The following ERBB4 variants were observed in gnomAD, a reference collection of about 807,000 sequenced individuals.
ERBB4 encodes the protein receptor tyrosine-protein kinase erbB-4.
A neutral mutation model predicts 158.0 loss-of-function variants in ERBB4; 42 were observed. That is an observed-to-expected ratio of 0.27 (90% CI 0.21 to 0.34). The LOEUF is 0.34. ERBB4 is among the 10% of genes least tolerant of loss of function. The probability of loss-of-function intolerance (pLI) is 1.00; values close to 1 mark genes in which losing one functional copy is unlikely to be tolerated. For synonymous variants in ERBB4, 583 were observed against 558.7 expected, an observed-to-expected ratio of 1.04 and a Z score of -0.61; for missense variants, 1,333 against 1,624.1, an observed-to-expected ratio of 0.82 and a Z score of 3.08.
intron 25 of ERBB4, among the ~76,000 whole-genome samples, chr2:211,402,527 A>G (rs1200972192): frequency 6.6e-6 from 1 of 152,030 alleles, no homozygotes; most frequent in East Asian, 1.9e-4. Flanking sequence ...AGGCATATTG[A>G]AGGTAAATTA....
At chr2:212,140,334 G>C (rs2080411900) in intron 1 of ERBB4, among the ~76,000 whole-genome samples, 1 of 148,308 alleles carries the variant, frequency 6.7e-6, no homozygotes, top group African/African-American at 2.5e-5. Flanking sequence ...CTGATCAATA[G>C]ATTTCTGGGT....
intron 1 of ERBB4, among the ~76,000 whole-genome samples, chr2:212,519,948 T>C (rs1692060863): frequency 6.6e-6 from 1 of 152,004 alleles, no homozygotes; most frequent in African/African-American, 2.4e-5. Flanking sequence ...TGATAAATGT[T>C]TGAGTTGATG....
At chr2:211,692,448 A>T (rs116507237) in intron 12 of ERBB4, among the ~76,000 whole-genome samples, 3,181 of 152,238 alleles carry the variant, frequency 0.021, 91 homozygotes, top group African/African-American at 0.071. Flanking sequence ...GCTTAAAAAC[A>T]CCTACATTTA....
chr2:212,500,792 A>G (rs186158693), intron 1 of ERBB4, among the ~76,000 whole-genome samples: 1 of 152,242 alleles, frequency 6.6e-6, no homozygotes, highest in African/African-American at 2.4e-5. Flanking sequence ...CTACACATTT[A>G]CTCTCAGTGG....
rs141142371 is a variant in ERBB4 at position 211,864,924 on chromosome 2, T to C, written c.422-76765A>G. On this transcript the variant is annotated intron_variant, in intron 3 of 27. Transcript: ENST00000342788. Reference sequence around the variant, plus strand: ...TACTTGGGAGGGTGAGGCAGGAGAATCACTTGAATCTTGGAAGCAGAGGTT... The same window carrying C: ...TACTTGGGAGGGTGAGGCAGGAGAACCACTTGAATCTTGGAAGCAGAGGTT... Among the ~76,000 whole-genome samples the C allele has an allele frequency of 4.9e-3, 753 of 152,176 alleles. 9 individuals are homozygous for C. Among genetic ancestry groups the C allele is most frequent in the Non-Finnish European group, 8.5e-3 (577 of 67,994 alleles).
Position 211,679,124 on chromosome 2 carries a change from G to A in ERBB4, c.1550C>T (p.Pro517Leu), listed in dbSNP as rs1184830913. ...CSSDGCWGPG[P>L]DQCLSCRRFS... ...GCGGCGACACGACAGACATTGGTCT[G>A]GCCCAGGTCCCCAACAGCCATCACT... Residue 517 changes from proline (P) to leucine (L), a missense_variant, in exon 13 of 28, where the codon CCA (proline) becomes CTA (leucine). Pro to Leu is a moderately conservative substitution (Grantham distance 98). Around this residue, in one of 5 missense-constraint regions of ERBB4, gnomAD observed 245 missense variants for 247.5 expected, o/e 0.99. Coordinates refer to ENST00000342788, the MANE Select transcript of ERBB4 (RefSeq NM_005235.3). The A allele has an allele frequency of 6.2e-7, 1 of 1,613,972 alleles. No homozygotes were observed. Among genetic ancestry groups the A allele is most frequent in the East Asian group, 2.2e-5 (1 of 44,872 alleles).
chr2:211,535,929 G>A (rs1408319152), intron 20 of ERBB4, among the ~76,000 whole-genome samples: 1 of 151,842 alleles, frequency 6.6e-6, no homozygotes, highest in East Asian at 1.9e-4. Context: ...AGCATTTATG[G>A]ATATTAACAG....
intron 12 of ERBB4, among the ~76,000 whole-genome samples, chr2:211,691,191 T>A (rs562343784): frequency 6.6e-6 from 1 of 152,320 alleles, no homozygotes; most frequent in Admixed American, 6.5e-5. Flanking sequence ...TAGACATAGA[T>A]TTAAACCCTT....
intron 20 of ERBB4, among the ~76,000 whole-genome samples, chr2:211,548,030 C>A (rs193128812): frequency 1.2e-4 from 19 of 152,160 alleles, no homozygotes; most frequent in Admixed American, 1.1e-3. Flanking sequence ...ATATTTCATG[C>A]AAACTCCAGG....
At chr2:211,966,019 G>T (rs906247774) in intron 2 of ERBB4, among the ~76,000 whole-genome samples, 1 of 152,082 alleles carries the variant, frequency 6.6e-6, no homozygotes, top group African/African-American at 2.4e-5. Context: ...CAAGACCAGC[G>T]TGGGTAACTC....
At chr2:211,822,872 A>G (rs528775588) in intron 3 of ERBB4, among the ~76,000 whole-genome samples, 187 of 152,132 alleles carry the variant, frequency 1.2e-3, no homozygotes, top group Middle Eastern at 0.01. Context: ...GCTGGGCCCT[A>G]TGATTTTCTT....
intron 1 of ERBB4, among the ~76,000 whole-genome samples, chr2:212,518,792 G>C (rs1052656972): frequency 6.6e-6 from 1 of 152,008 alleles, no homozygotes; most frequent in Non-Finnish European, 1.5e-5. Flanking sequence ...TGCTAACACA[G>C]TATCTCCATC....
intron 1 of ERBB4, among the ~76,000 whole-genome samples, chr2:212,248,359 C>G (rs191048553): frequency 6.6e-6 from 1 of 152,180 alleles, no homozygotes; most frequent in Admixed American, 6.5e-5. Context: ...CTAAACACAA[C>G]TTTTTGTGTC....
At chr2:212,066,166 A>G (rs1453661336) in intron 2 of ERBB4, among the ~76,000 whole-genome samples, 3 of 151,950 alleles carry the variant, frequency 2.0e-5, no homozygotes, top group Non-Finnish European at 4.4e-5. Context: ...GATGTGGAGC[A>G]ACAGGAGTAA....
At chr2:212,342,635 T>G in intron 1 of ERBB4, among the ~76,000 whole-genome samples, 1 of 152,092 alleles carries the variant, frequency 6.6e-6, no homozygotes, top group East Asian at 1.9e-4. Context: ...TATATCTGGG[T>G]TTTCAATTAT....
intron 1 of ERBB4, among the ~76,000 whole-genome samples, chr2:212,452,009 G>GGTTTTTTTTT (rs1270328511): frequency 1.4e-5 from 2 of 139,004 alleles, no homozygotes. Context: ...GAGTGTGCAG[G>GGTTTTTTTTT]TTTTTTTTTT....
At chr2:212,205,832 G>A (rs1432485200) in intron 1 of ERBB4, among the ~76,000 whole-genome samples, 1 of 152,134 alleles carries the variant, frequency 6.6e-6, no homozygotes, top group Non-Finnish European at 1.5e-5. Context: ...AAAATATGTG[G>A]TTAGAAGTTT....
intron 1 of ERBB4, among the ~76,000 whole-genome samples, chr2:212,226,430 T>C (rs2083472509): frequency 6.6e-6 from 1 of 151,810 alleles, no homozygotes; most frequent in African/African-American, 2.4e-5. Context: ...TTTGACCCAT[T>C]AAATTTGTGA....
At chr2:211,946,759 G>T (rs948716087) in intron 3 of ERBB4, among the ~76,000 whole-genome samples, 1 of 151,534 alleles carries the variant, frequency 6.6e-6, no homozygotes, top group African/African-American at 2.4e-5. Flanking sequence ...TGCACCCTGA[G>T]CTATGTGAAC....
Sources: gnomAD v4.1 joint callset for allele counts (sites outside exome capture counted in the v4.1 genomes callset) on GRCh38, gnomAD v4.1.1 for gene constraint, gnomAD v4.1.1 regional missense constraint, MANE v1.5 for transcripts, NCBI Gene and HGNC (gene_info 2026-07-23, HGNC 2026-07-21) for gene names.